AGO1: variants seen among roughly 807,000 people sequenced by gnomAD.
AGO1 encodes argonaute RISC component 1.
In AGO1, 11 loss-of-function variants were observed where a neutral mutation model predicts 109.2. The observed-to-expected ratio is 0.10, with a 90% CI of 0.06 to 0.17. The LOEUF (loss-of-function observed/expected upper bound fraction) is 0.17, where lower values mean the gene tolerates loss of function less well. AGO1 is among the 10% of genes least tolerant of loss of function. The pLI, the probability that AGO1 is intolerant of heterozygous loss-of-function variation, is 1.00. For synonymous variants in AGO1, 422 were observed against 418.6 expected (o/e 1.01, Z -0.10); for missense variants, 574 against 1,140.3 (o/e 0.50, Z 7.15).
intron 16 of AGO1, 93 bp downstream of exon 16, chr1:35,917,820 C>G (rs1645762064): frequency 6.6e-7 from 1 of 1,521,822 alleles, no homozygotes. Context: ...GGGATTTAGT[C>G]CTTGTCCTAT....
chr1:35,884,629 C>T (rs1344530573), intron 1 of AGO1, among the ~76,000 whole-genome samples: 1 of 152,186 alleles, frequency 6.6e-6, no homozygotes, highest in African/African-American at 2.4e-5. Flanking sequence ...AGATCTAAAC[C>T]CTACAAACAC....
chr1:35,906,050 C>T (rs1645513690), intron 11 of AGO1, among the ~76,000 whole-genome samples: 1 of 152,248 alleles, frequency 6.6e-6, no homozygotes, highest in East Asian at 1.9e-4. Flanking sequence ...AATTAAATTT[C>T]CTGCTGCTTA....
intron 2 of AGO1, among the ~76,000 whole-genome samples, chr1:35,889,318 AT>A (rs1245430914): frequency 6.7e-6 from 1 of 148,972 alleles, no homozygotes; most frequent in Non-Finnish European, 1.5e-5. Context: ...GCTTTAAGCT[AT>A]TCTCCTGGCT....
chr1:35,918,271 G>C (rs748188683), intron 16 of AGO1, 51 bp from the exon 17 acceptor site: 1 of 1,455,714 alleles, frequency 6.9e-7, no homozygotes, highest in Non-Finnish European at 9.7e-7. Context: ...CCAGGGTCCT[G>C]GTTAGGGCCA....
intron 10 of AGO1, 56 bp from the exon 11 acceptor site, chr1:35,902,148 C>CCTA: frequency 1.9e-6 from 3 of 1,592,506 alleles, no homozygotes; most frequent in Non-Finnish European, 2.6e-6. Flanking sequence ...CTTTTGCTCC[C>CCTA]CTACCCACCT....
At chr1:35,894,768 C>T (rs1464864405) in intron 7 of AGO1, among the ~76,000 whole-genome samples, 1 of 152,146 alleles carries the variant, frequency 6.6e-6, no homozygotes. Context: ...TGATTCCATT[C>T]CCATTCTTGA....
At chr1:35,910,382 C>T (rs1645610292) in intron 12 of AGO1, among the ~76,000 whole-genome samples, 1 of 151,662 alleles carries the variant, frequency 6.6e-6, no homozygotes, top group Non-Finnish European at 1.5e-5. Context: ...CTCCACTAAA[C>T]TGATATTATT....
intron 14 of AGO1, 130 bp from the exon 15 acceptor site, chr1:35,915,218 C>A (rs1330275621): frequency 1.3e-5 from 9 of 679,052 alleles, no homozygotes; most frequent in Non-Finnish European, 2.0e-5. Flanking sequence ...AGATTGAAAC[C>A]AGGGCTCACT....
chr1:35,926,494 A>G lies in AGO1; in HGVS notation c.*6887A>G, dbSNP rs1645930630. The G allele has an allele frequency of 6.6e-6, 1 of 152,144 alleles. No homozygotes were observed. Among genetic ancestry groups the G allele is most frequent in the Non-Finnish European group, 1.5e-5 (1 of 68,052 alleles). 9.4% of individuals were successfully genotyped at this position (152,144 alleles called of 1,614,324 possible). ...TAGCAGACCCCAGAATCTCATGGCA[A>G]TTAGGATTTGGTGGCTAAACGAAAG... On this transcript the variant is annotated 3_prime_UTR_variant, in exon 19 of 19. Coordinates refer to ENST00000373204, the MANE Select transcript of AGO1 (RefSeq NM_012199.5).
At chr1:35,876,361 GGTTCACACCA>G (rs1644992739) in intron 1 of AGO1, among the ~76,000 whole-genome samples, 1 of 151,786 alleles carries the variant, frequency 6.6e-6, no homozygotes, top group East Asian at 1.9e-4. Context: ...CCGCCTACTG[GGTTCACACCA>G]TTCTCCTGCC....
At position 35,919,750 on chromosome 1, in the gene AGO1, T is replaced by A; in HGVS notation, c.*143T>A. The A allele has an allele frequency of 1.4e-6, 1 of 713,782 alleles. No homozygotes were observed. Among genetic ancestry groups the A allele is most frequent in the Non-Finnish European group, 2.3e-6 (1 of 440,596 alleles). The allele number at this position is 713,782 out of a possible 1,614,324, so 44.2% of individuals were successfully genotyped here. ...GCCTTGTTTCCTTCTATAGAGGTGG[T>A]GTAAGAGTGGGGAACAGGGCCAGCA... is the stretch of plus-strand genomic sequence containing the variant. On this transcript the variant is annotated 3_prime_UTR_variant, in exon 19 of 19. Transcript: ENST00000373204. The surrounding 1 kb of genome is among the most constrained non-coding windows in gnomAD (Gnocchi z 6.6).
intron 1 of AGO1, among the ~76,000 whole-genome samples, chr1:35,875,575 G>A (rs1644986422): frequency 6.6e-6 from 1 of 152,048 alleles, no homozygotes; most frequent in African/African-American, 2.4e-5. Context: ...CATCATGCAT[G>A]GTTAATTTGT....
chr1:35,909,623 G>T (rs548544296), intron 12 of AGO1, among the ~76,000 whole-genome samples: 77 of 152,290 alleles, frequency 5.1e-4, no homozygotes, highest in African/African-American at 1.8e-3. Context: ...TTCACCTGGA[G>T]AGTGAACTTG....
rs1346684312 is a variant in AGO1 at position 35,888,278 on chromosome 1, C to A, written c.26-149C>A. 8.9e-6 allele frequency: 6 copies of A among 675,864 alleles called. No homozygotes were observed. The highest frequency in any genetic ancestry group is 1.5e-5 in the Non-Finnish European group (6 of 404,828). The allele number at this position is 675,864 out of a possible 1,614,324, so 41.9% of individuals were successfully genotyped here. On this transcript the variant is annotated intron_variant, in intron 1 of 18. Coordinates refer to ENST00000373204, the MANE Select transcript of AGO1 (RefSeq NM_012199.5). This position sits in a 1 kb window ranked among gnomAD's most constrained non-coding sequence, Gnocchi z 4.1. The stretch of plus-strand genomic sequence containing the variant: ...AAAAACACAGATGAGCTTGAGATGT[C>A]CCCTGGAAGCCCTTGGCTGGGTTGG...
In AGO1 at chr1:35,913,854, G is replaced by A. The variant is rs758585726; in HGVS notation, c.1595G>A (p.Arg532His). The change falls in exon 13 of 19, where the codon CGT (arginine) becomes CAT (histidine). Residue 532 changes from arginine (R) to histidine (H), a missense_variant. Coordinates refer to ENST00000373204, the MANE Select transcript of AGO1 (RefSeq NM_012199.5). The stretch of plus-strand genomic sequence containing the variant: ...TCCCTGCCCTTAGCTGAGGTGAAAC[G>A]TGTCGGAGATACACTCTTGGGAATG... ...GKTPVYAEVK[R>H]VGDTLLGMAT... The A allele has an allele frequency of 4.3e-6, 7 of 1,613,736 alleles. No individual in the cohort carries two copies. The highest frequency in any genetic ancestry group is 2.7e-5 in the African/African-American group (2 of 74,812).
chr1:35,887,814 C>A (rs1279940180), intron 1 of AGO1, among the ~76,000 whole-genome samples: 1 of 152,108 alleles, frequency 6.6e-6, no homozygotes, highest in Admixed American at 6.6e-5. Flanking sequence ...CTTCTCCAAC[C>A]CCCTTTCTCT....
At chr1:35,884,440 G>C (rs1468897272) in intron 1 of AGO1, among the ~76,000 whole-genome samples, 1 of 152,200 alleles carries the variant, frequency 6.6e-6, no homozygotes, top group Non-Finnish European at 1.5e-5. Flanking sequence ...ATACTGAGTA[G>C]TGATGGGGGC....
At chr1:35,914,434 G>T (rs1226752505) in intron 14 of AGO1, among the ~76,000 whole-genome samples, 160 bp downstream of exon 14, 2 of 152,178 alleles carry the variant, frequency 1.3e-5, no homozygotes, top group African/African-American at 4.8e-5. Context: ...ATCTCATAAA[G>T]GTAGCTCTGT....
chr1:35,914,135 C>T, intron 13 of AGO1, 49 bp from the exon 14 acceptor site: 1 of 1,599,764 alleles, frequency 6.3e-7, no homozygotes, highest in Non-Finnish European at 8.6e-7. Flanking sequence ...ATGGTGCCAG[C>T]TAGAGAAGAC....
Sources: allele counts gnomAD v4.1 joint callset (sites outside exome capture counted in the v4.1 genomes callset), GRCh38; gene constraint gnomAD v4.1.1; non-coding constraint Gnocchi (gnomAD v3.1); transcripts MANE v1.5; gene names NCBI Gene and HGNC (gene_info 2026-07-23, HGNC 2026-07-21).